Variants in MYO18B observed in about 807,000 individuals in gnomAD.
MYO18B encodes the protein myosin XVIIIB.
MYO18B carries 204 observed loss-of-function variants against 273.0 expected under a neutral mutation model. The observed-to-expected ratio is 0.75, with a 90% CI of 0.67 to 0.84. MYO18B has a LOEUF of 0.84. Among genes scored for constraint, MYO18B ranks in the 40% least tolerant of loss-of-function variants. The pLI, the probability that MYO18B is intolerant of heterozygous loss-of-function variation, is 0.00. For synonymous variants in MYO18B, 1,330 were observed against 1,305.7 expected, an observed-to-expected ratio of 1.02 and a Z score of -0.40; for missense variants, 3,212 against 3,287.6, an observed-to-expected ratio of 0.98 and a Z score of 0.56.
At chr22:26,016,383 C>T (rs1935328008) in intron 42 of MYO18B, among the ~76,000 whole-genome samples, 2 of 152,194 alleles carry the variant, frequency 1.3e-5, no homozygotes, top group Admixed American at 6.5e-5. Context: ...ATGAGGCCCA[C>T]ACCTCCCTCT....
intron 40 of MYO18B, among the ~76,000 whole-genome samples, chr22:25,998,715 C>T (rs1933610818): frequency 6.6e-6 from 1 of 152,220 alleles, no homozygotes; most frequent in African/African-American, 2.4e-5. Flanking sequence ...GAACTTCCAA[C>T]AGCTCTTTTC....
At chr22:25,771,234 T>G (rs1225350456) in intron 6 of MYO18B, among the ~76,000 whole-genome samples, 1 of 152,150 alleles carries the variant, frequency 6.6e-6, no homozygotes, top group East Asian at 1.9e-4. Flanking sequence ...TCAAAGAACA[T>G]GTTTGTCAGG....
At chr22:25,799,131 TTGTGTG>T (rs61488241) in intron 12 of MYO18B, among the ~76,000 whole-genome samples, 25 of 145,250 alleles carry the variant, frequency 1.7e-4, no homozygotes, top group East Asian at 1.0e-3. Context: ...GTGTTTACGT[TTGTGTG>T]TGTGTGTGTG....
chr22:25,750,987 C>T (rs2085915746), intron 1 of MYO18B, among the ~76,000 whole-genome samples: 1 of 152,222 alleles, frequency 6.6e-6, no homozygotes, highest in Non-Finnish European at 1.5e-5. Context: ...TAAAGTCAGA[C>T]CATCTGGTCC....
chr22:25,755,090 C>T (rs932036768), intron 1 of MYO18B, among the ~76,000 whole-genome samples: 1 of 152,236 alleles, frequency 6.6e-6, no homozygotes, highest in Non-Finnish European at 1.5e-5. Flanking sequence ...GGGGCCTCGC[C>T]AGTGTCTCCC....
chr22:26,050,174 C>T, the MYO18B span, among the ~76,000 whole-genome samples: 1 of 152,168 alleles, frequency 6.6e-6, no homozygotes, highest in African/African-American at 2.4e-5. Context: ...TAATTTCTCC[C>T]GCAGAATCAC....
intron 39 of MYO18B, among the ~76,000 whole-genome samples, chr22:25,958,399 TAAG>T (rs2092879279): frequency 6.6e-6 from 1 of 152,068 alleles, no homozygotes; most frequent in East Asian, 1.9e-4. Flanking sequence ...GCTCCACGAA[TAAG>T]GTCGGGCCAG....
intron 11 of MYO18B, among the ~76,000 whole-genome samples, chr22:25,790,377 T>C (rs2087609035): frequency 6.6e-6 from 1 of 152,244 alleles, no homozygotes; most frequent in Non-Finnish European, 1.5e-5. Context: ...AGTGATAAGG[T>C]GGGCGTCTGG....
At chr22:25,937,010 A>G (rs1335145919) in intron 34 of MYO18B, among the ~76,000 whole-genome samples, 2 of 152,192 alleles carry the variant, frequency 1.3e-5, no homozygotes, top group African/African-American at 2.4e-5. Context: ...GATACTAAGT[A>G]GTTGTGATTA....
intron 1 of MYO18B, among the ~76,000 whole-genome samples, chr22:25,745,101 A>T (rs2085738892): frequency 6.6e-6 from 1 of 151,964 alleles, no homozygotes; most frequent in South Asian, 2.1e-4. Flanking sequence ...AGCAAAAATA[A>T]ATTGCGTCTT....
chr22:26,002,821 A>G (rs1216043723), intron 40 of MYO18B, among the ~76,000 whole-genome samples: 7 of 152,146 alleles, frequency 4.6e-5, no homozygotes, highest in Non-Finnish European at 1.0e-4. Flanking sequence ...CTACCATCGT[A>G]ATTAGTATTG....
chr22:25,926,987 C>T (rs2092430601), intron 34 of MYO18B, among the ~76,000 whole-genome samples: 2 of 152,200 alleles, frequency 1.3e-5, no homozygotes, highest in Admixed American at 6.5e-5. Context: ...GGACACTTAA[C>T]ACTTCCCCAG....
At chr22:25,906,384 C>T (rs1198805819) in intron 31 of MYO18B, among the ~76,000 whole-genome samples, 3 of 152,216 alleles carry the variant, frequency 2.0e-5, no homozygotes, top group Non-Finnish European at 4.4e-5. Context: ...AAGAAGTTGA[C>T]ATTTAAAGTG....
intron 1 of MYO18B, among the ~76,000 whole-genome samples, chr22:25,759,942 G>A (rs1359694931): frequency 6.6e-6 from 1 of 152,136 alleles, no homozygotes; most frequent in Non-Finnish European, 1.5e-5. Flanking sequence ...CCAGAAAAGG[G>A]CTTTCTGGGT....
At chr22:25,819,286 C>T (rs1214826381) in intron 12 of MYO18B, among the ~76,000 whole-genome samples, 2 of 152,222 alleles carry the variant, frequency 1.3e-5, no homozygotes, top group African/African-American at 4.8e-5. Flanking sequence ...ATCCATTAAC[C>T]ACTCTTCTTT....
chr22:25,828,675 G>A, intron 14 of MYO18B, 101 bp from the exon 15 acceptor site: 1 of 1,145,222 alleles, frequency 8.7e-7, no homozygotes, highest in Non-Finnish European at 1.3e-6. Flanking sequence ...GCCTGTAAGA[G>A]GTGAGCTTGG....
At chr22:25,961,116 A>G (rs1270739022) in intron 39 of MYO18B, among the ~76,000 whole-genome samples, 1 of 152,016 alleles carries the variant, frequency 6.6e-6, no homozygotes, top group Non-Finnish European at 1.5e-5. Context: ...CCAGCTACTC[A>G]GGAGGCTGAG....
At chr22:26,057,748 C>T in the MYO18B span, among the ~76,000 whole-genome samples, 1 of 152,156 alleles carries the variant, frequency 6.6e-6, no homozygotes, top group African/African-American at 2.4e-5. Flanking sequence ...TGGAGACCCA[C>T]AGAGGGCTAG....
chr22:25,768,302 A>C lies in MYO18B; in HGVS notation c.386A>C (p.Gln129Pro). 1 of 1,613,900 alleles carries C rather than the reference A, an allele frequency of 6.2e-7. No homozygotes were observed. Among genetic ancestry groups the C allele is most frequent in the Non-Finnish European group, 8.5e-7 (1 of 1,179,828 alleles). Residue 129 changes from glutamine (Q) to proline (P), a missense_variant, in exon 4 of 44, where the codon CAG becomes CCG. By Grantham distance (76) the Gln-to-Pro change is moderately conservative. Transcript: ENST00000335473. The stretch of plus-strand genomic sequence containing the variant: ...ACAAGCATCAATGGTGAGAAGGCCC[A>C]GGAGCTGGGCTCCAGTGCGACACCA... ...QMTSINGEKA[Q>P]ELGSSATPTK...
Sources: gnomAD v4.1 joint callset for allele counts (sites outside exome capture counted in the v4.1 genomes callset) on GRCh38, gnomAD v4.1.1 for gene constraint, MANE v1.5 for transcripts, NCBI Gene and HGNC (gene_info 2026-07-23, HGNC 2026-07-21) for gene names.